ZNF385D: variants seen among roughly 807,000 people sequenced by gnomAD.
The protein encoded by ZNF385D is zinc finger protein 385D, also known as zinc finger protein 659.
Under a neutral mutation model 35.8 loss-of-function variants are expected in ZNF385D, and 15 were observed. The observed-to-expected ratio is 0.42, with a 90% confidence interval of 0.28 to 0.64. The LOEUF is 0.64. Ranked by LOEUF, ZNF385D falls within the 30% of genes least tolerant of loss-of-function variation. ZNF385D has a pLI of 0.23. For synonymous variants in ZNF385D, 212 were observed against 186.8 expected (o/e 1.13, Z -1.10); for missense variants, 474 against 494.6 (o/e 0.96, Z 0.39).
intron 3 of ZNF385D, among the ~76,000 whole-genome samples, chr3:21,988,218 G>C (rs1020946201): frequency 7.8e-6 from 1 of 127,712 alleles, no homozygotes; most frequent in Non-Finnish European, 1.7e-5. Flanking sequence ...GTGAGGAACT[G>C]CGTTCCTTTG....
intron 2 of ZNF385D, among the ~76,000 whole-genome samples, chr3:21,620,968 G>A (rs1374283330): frequency 6.6e-6 from 1 of 151,940 alleles, no homozygotes; most frequent in African/African-American, 2.4e-5. Context: ...TGCTTATACT[G>A]TGCCCACAGG....
chr3:22,365,316 C>T (rs780588761), intron 2 of ZNF385D, among the ~76,000 whole-genome samples: 15 of 150,906 alleles, frequency 9.9e-5, no homozygotes, highest in South Asian at 2.1e-4. Flanking sequence ...TCACTGAGGG[C>T]GAAATATCAA....
chr3:21,437,239 A>C (rs371835432), intron 4 of ZNF385D, 36 bp from the exon 5 acceptor site: 2 of 1,566,748 alleles, frequency 1.3e-6, no homozygotes, highest in Non-Finnish European at 8.7e-7. Flanking sequence ...AGGGGGAAAA[A>C]CAATGGTATT....
chr3:21,950,363 G>T (rs1485726754), intron 3 of ZNF385D, among the ~76,000 whole-genome samples: 1 of 151,786 alleles, frequency 6.6e-6, no homozygotes, highest in East Asian at 1.9e-4. Context: ...CTTTTGAGAA[G>T]TATCTCTTCA....
At chr3:21,941,274 A>G (rs901619434) in intron 3 of ZNF385D, among the ~76,000 whole-genome samples, 4 of 152,084 alleles carry the variant, frequency 2.6e-5, no homozygotes, top group African/African-American at 9.7e-5. Context: ...TTTTGGGGAA[A>G]TTTTGTTATT....
chr3:21,960,203 T>TACACAC (rs61528907), intron 3 of ZNF385D, among the ~76,000 whole-genome samples: 1 of 149,372 alleles, frequency 6.7e-6, no homozygotes, highest in South Asian at 2.1e-4. Context: ...TAAACAGCAA[T>TACACAC]ACACACACAC....
chr3:21,638,683 A>C (rs1198106775), intron 2 of ZNF385D, among the ~76,000 whole-genome samples: 1 of 152,130 alleles, frequency 6.6e-6, no homozygotes, highest in African/African-American at 2.4e-5. Flanking sequence ...GTCTCAGACC[A>C]TGTGCTGTTT....
chr3:21,763,919 G>A (rs1239829525), intron 3 of ZNF385D, among the ~76,000 whole-genome samples: 32 of 152,164 alleles, frequency 2.1e-4, no homozygotes, highest in Admixed American at 2.1e-3. Context: ...CAAGAACTGT[G>A]AGAGGGGCCA....
At chr3:22,366,909 A>AAGCC (rs1414648518) in intron 2 of ZNF385D, among the ~76,000 whole-genome samples, 1 of 152,200 alleles carries the variant, frequency 6.6e-6, no homozygotes, top group East Asian at 1.9e-4. Flanking sequence ...ATGTGGCCAC[A>AAGCC]AGCCAAGGAA....
At chr3:21,973,536 G>A (rs1703399482) in intron 3 of ZNF385D, among the ~76,000 whole-genome samples, 1 of 151,890 alleles carries the variant, frequency 6.6e-6, no homozygotes, top group East Asian at 1.9e-4. Flanking sequence ...TTTCACCACT[G>A]TTATTCAACA....
intron 3 of ZNF385D, among the ~76,000 whole-genome samples, chr3:22,109,840 C>T (rs927159694): frequency 6.6e-6 from 1 of 152,108 alleles, no homozygotes; most frequent in African/African-American, 2.4e-5. Flanking sequence ...AGTGAACAGG[C>T]AGCGTACAGA....
At chr3:21,528,396 G>A (rs1032874456) in intron 3 of ZNF385D, among the ~76,000 whole-genome samples, 1 of 152,152 alleles carries the variant, frequency 6.6e-6, no homozygotes, top group African/African-American at 2.4e-5. Flanking sequence ...ACTTGACTGA[G>A]TGATAGAAAT....
chr3:21,532,177 C>T (rs2061941280), intron 3 of ZNF385D, among the ~76,000 whole-genome samples: 1 of 152,114 alleles, frequency 6.6e-6, no homozygotes. Flanking sequence ...AATCATCTTT[C>T]ACCCACGAGG....
At chr3:21,890,473 G>C (rs534108737) in intron 3 of ZNF385D, among the ~76,000 whole-genome samples, 1 of 152,080 alleles carries the variant, frequency 6.6e-6, no homozygotes, top group African/African-American at 2.4e-5. Flanking sequence ...ACAAAAATTA[G>C]CTGTGCATGG....
At chr3:21,779,281 T>C (rs1349784076) in intron 3 of ZNF385D, among the ~76,000 whole-genome samples, 1 of 152,004 alleles carries the variant, frequency 6.6e-6, no homozygotes, top group Non-Finnish European at 1.5e-5. Context: ...TCAGGTCAAA[T>C]TGACTTCTAA....
chr3:21,688,487 A>G (rs1159169639), intron 1 of ZNF385D, among the ~76,000 whole-genome samples: 1 of 152,198 alleles, frequency 6.6e-6, no homozygotes, highest in African/African-American at 2.4e-5. Flanking sequence ...GAGACACATA[A>G]TGACATTATT....
At position 21,850,008 on chromosome 3, in the gene ZNF385D, C is replaced by T. The variant is rs192584196; in HGVS notation, c.326-184980G>A. 3.9e-3 allele frequency among the ~76,000 whole-genome samples: 589 copies of T among 152,026 alleles called. 2 individuals carry two copies. Among genetic ancestry groups the T allele is most frequent in the Non-Finnish European group, 5.8e-3 (392 of 67,960 alleles). On this transcript the variant is annotated intron_variant, in intron 3 of 5. Coordinates refer to the ZNF385D transcript ENST00000494108. The stretch of plus-strand genomic sequence containing the variant: ...GTCCTCCCACCTCAGCCTGCCAAAG[C>T]GTTGGAATCACAGGCGTGAGCCACC...
intron 3 of ZNF385D, among the ~76,000 whole-genome samples, chr3:22,090,675 C>T (rs533612225): frequency 6.6e-6 from 1 of 152,202 alleles, no homozygotes; most frequent in Admixed American, 6.5e-5. Context: ...CACCATTTCT[C>T]ATGTGAAATT....
intron 2 of ZNF385D, among the ~76,000 whole-genome samples, chr3:21,661,117 C>A (rs527716538): frequency 1.7e-4 from 26 of 152,268 alleles, no homozygotes; most frequent in Middle Eastern, 3.4e-3. Context: ...CGGAAAAAAA[C>A]GAGAGCTAGC....
Sources: gnomAD v4.1 joint callset for allele counts (sites outside exome capture counted in the v4.1 genomes callset) on GRCh38, gnomAD v4.1.1 for gene constraint, MANE v1.5 for transcripts, NCBI Gene and HGNC (gene_info 2026-07-23, HGNC 2026-07-21) for gene names.